ZNF701: variants seen among roughly 807,000 people sequenced by gnomAD.
The protein encoded by ZNF701 is zinc finger protein 701.
ZNF701 carries 6 observed loss-of-function variants against 7.1 expected under a neutral mutation model. That is an observed-to-expected ratio of 0.84 (90% CI 0.46 to 1.66). ZNF701 has a LOEUF of 1.66. Among genes scored for constraint, ZNF701 ranks in the 40% most tolerant of loss-of-function variants. The probability of loss-of-function intolerance (pLI) is 0.01; values close to 1 mark genes in which losing one functional copy is unlikely to be tolerated. For missense variants in ZNF701, 541 were observed against 559.2 expected (o/e 0.97, Z 0.33); for synonymous variants, 166 against 188.2 (o/e 0.88, Z 0.97).
the ZNF701 span, chr19:52,597,106 G>C: frequency 5.0e-5 from 53 of 1,066,714 alleles, no homozygotes; most frequent in African/African-American, 8.1e-4. Context: ...AATAAATGTG[G>C]TAAAATTTTC....
At chr19:52,571,830 G>GT (rs931570230) in intron 1 of ZNF701, among the ~76,000 whole-genome samples, 70 of 147,656 alleles carry the variant, frequency 4.7e-4, no homozygotes, top group Middle Eastern at 3.4e-3. Context: ...ACCCTTTTTG[G>GT]TTTTTTTTTT....
At chr19:52,591,280 C>T (rs35512045), downstream of ZNF701, among the ~76,000 whole-genome samples, 19,395 of 152,134 alleles carry the variant, frequency 0.13, 1,326 homozygotes, top group Middle Eastern at 0.16. Flanking sequence ...AGAGTTCTAT[C>T]GATTTTTCTG....
intron 3 of ZNF701, among the ~76,000 whole-genome samples, chr19:52,580,654 C>A (rs538289721): frequency 6.6e-6 from 1 of 152,158 alleles, no homozygotes; most frequent in East Asian, 1.9e-4. Flanking sequence ...TGGCTTTTTT[C>A]TTAATAGGGA....
At chr19:52,595,042 C>T in the ZNF701 span, among the ~76,000 whole-genome samples, 1 of 151,988 alleles carries the variant, frequency 6.6e-6, no homozygotes, top group Non-Finnish European at 1.5e-5. Context: ...AGTGCAATGG[C>T]ATGATCTCCA....
downstream of ZNF701, among the ~76,000 whole-genome samples, chr19:52,587,553 C>T (rs1173955573): frequency 6.6e-6 from 1 of 152,202 alleles, no homozygotes; most frequent in Non-Finnish European, 1.5e-5. Context: ...CAGCCCCCCA[C>T]TTGACATTGC....
At position 52,582,779 on chromosome 19, in the gene ZNF701, C is replaced by T. The variant is rs427127; in HGVS notation, c.720C>T (p.Asp240=). 0.041 allele frequency: 66,423 copies of T among 1,613,996 alleles called. 5,388 individuals are homozygous for T. Among genetic ancestry groups the T allele is most frequent in the African/African-American group, 0.35 (26,408 of 74,906 alleles). The change falls in exon 4 of 4, where the codon GAC becomes GAT. Residue 240 remains aspartate, a synonymous_variant. Coordinates refer to ENST00000391785, the MANE Select transcript of ZNF701 (RefSeq NM_018260.3). ...LKKHQIIHLG[D]KQYKCDVCGK... ...AACATCAGATAATCCATTTAGGAGA[C>T]AAACAGTATAAATGTGATGTATGCG...
At position 52,582,712 on chromosome 19, in the gene ZNF701, A is replaced by C; in HGVS notation, c.653A>C (p.Asn218Thr). ...VHTREKSFQRNESGKAFNGSS... is the reference protein window; with the variant it reads ...VHTREKSFQRTESGKAFNGSS... ...ACAAGAGAAAAATCTTTCCAACGTA[A>C]TGAGAGTGGCAAAGCCTTTAATGGT... The change falls in exon 4 of 4, where the codon AAT becomes ACT. Residue 218 changes from asparagine to threonine, a missense_variant. Asn to Thr is a moderately conservative substitution (Grantham distance 65). Transcript: ENST00000391785. 1 of 1,614,218 alleles carries C rather than the reference A, an allele frequency of 6.2e-7. No individual in the cohort carries two copies. Among genetic ancestry groups the C allele is most frequent in the Non-Finnish European group, 8.5e-7 (1 of 1,180,038 alleles).
Position 52,582,407 on chromosome 19 carries a change from C to G in ZNF701, c.348C>G (p.Thr116=), listed in dbSNP as rs140636201. 1 of 1,612,112 alleles carries G rather than the reference C, an allele frequency of 6.2e-7. No individual in the cohort carries two copies. Among genetic ancestry groups the G allele is most frequent in the East Asian group, 2.2e-5 (1 of 44,876 alleles). ...TNGHEALMTK[T]KKLMSSTERH... ...GCCATGAAGCACTCATGACAAAAAC[C>G]AAAAAGTTGATGAGTAGTACAGAGC... is the stretch of plus-strand genomic sequence containing the variant. The change falls in exon 4 of 4, where the codon ACC becomes ACG. Residue 116 remains threonine (T), a synonymous_variant. Coordinates refer to ENST00000391785, the MANE Select transcript of ZNF701 (RefSeq NM_018260.3).
At chr19:52,599,215 A>C in the ZNF701 span, among the ~76,000 whole-genome samples, 1 of 151,666 alleles carries the variant, frequency 6.6e-6, no homozygotes, top group African/African-American at 2.4e-5. Flanking sequence ...TTTTTTTAGA[A>C]ATTAAACCTT....
intron 1 of ZNF701, among the ~76,000 whole-genome samples, chr19:52,571,371 G>C (rs1341478575): frequency 6.6e-6 from 1 of 152,024 alleles, no homozygotes; most frequent in African/African-American, 2.4e-5. Context: ...GTGGGGACGG[G>C]GGGTAAAACA....
At chr19:52,590,905 T>C (rs2060034275), downstream of ZNF701, among the ~76,000 whole-genome samples, 2 of 152,190 alleles carry the variant, frequency 1.3e-5, no homozygotes, top group South Asian at 2.1e-4. Flanking sequence ...AGTGGCGCCA[T>C]CTAGGCTCAC....
At chr19:52,580,662 G>A (rs569085398) in intron 3 of ZNF701, among the ~76,000 whole-genome samples, 1 of 151,968 alleles carries the variant, frequency 6.6e-6, no homozygotes, top group South Asian at 2.1e-4. Flanking sequence ...TTCTTAATAG[G>A]GAATTGTTTA....
In ZNF701 at chr19:52,582,560, T is replaced by C. The variant is rs3745101; in HGVS notation, c.501T>C (p.Ala167=). 605,366 of 1,613,948 alleles carry C rather than the reference T, an allele frequency of 0.38. 118,447 individuals are homozygous for C. The highest frequency in any genetic ancestry group is 0.43 in the South Asian group (39,301 of 91,070). ...EGKIGNQVEK[A]INDAFSVSAS... is the part of the protein sequence containing the mutation. ...AAATTGGTAATCAAGTTGAGAAGGC[T>C]ATCAACGATGCTTTCTCAGTTTCAG... Residue 167 remains alanine (A), a synonymous_variant, in exon 4 of 4, where the codon GCT becomes GCC. Coordinates refer to ENST00000391785, the MANE Select transcript of ZNF701 (RefSeq NM_018260.3).
the ZNF701 span, among the ~76,000 whole-genome samples, chr19:52,600,146 T>A: frequency 6.6e-6 from 1 of 152,244 alleles, no homozygotes; most frequent in East Asian, 1.9e-4. Context: ...TTTTTATTTC[T>A]TTATTATCGT....
chr19:52,576,681 C>T (rs1423822544), intron 3 of ZNF701, among the ~76,000 whole-genome samples: 1 of 146,964 alleles, frequency 6.8e-6, no homozygotes, highest in African/African-American at 2.7e-5. Flanking sequence ...TCCAAGCATT[C>T]AGAAGGAGGC....
downstream of ZNF701, among the ~76,000 whole-genome samples, chr19:52,589,447 G>T (rs2060027936): frequency 6.7e-6 from 1 of 149,448 alleles, no homozygotes; most frequent in Non-Finnish European, 1.5e-5. Flanking sequence ...ATTTTTTTAG[G>T]ATAAAACAGA....
At chr19:52,575,131 G>A (rs755189548) in intron 2 of ZNF701, among the ~76,000 whole-genome samples, 23 of 151,958 alleles carry the variant, frequency 1.5e-4, no homozygotes, top group Non-Finnish European at 3.4e-4. Context: ...CACCACGCCC[G>A]GATAATTTTT....
At chr19:52,578,665 T>C (rs963785458) in intron 3 of ZNF701, among the ~76,000 whole-genome samples, 3 of 152,230 alleles carry the variant, frequency 2.0e-5, no homozygotes, top group Non-Finnish European at 2.9e-5. Flanking sequence ...ACTATTGTTA[T>C]TATTTTAAAC....
chr19:52,587,207 C>G (rs753830448), downstream of ZNF701: 6 of 152,174 alleles, frequency 3.9e-5, no homozygotes, highest in Non-Finnish European at 7.3e-5. Context: ...GAGAAAATTA[C>G]ATGTATACAT....
Sources: gnomAD v4.1 joint callset for allele counts (sites outside exome capture counted in the v4.1 genomes callset) on GRCh38, gnomAD v4.1.1 for gene constraint, MANE v1.5 for transcripts, NCBI Gene and HGNC (gene_info 2026-07-23, HGNC 2026-07-21) for gene names.